ABCA12: variants seen among roughly 807,000 people sequenced by gnomAD.
The protein encoded by ABCA12 is ATP binding cassette subfamily A member 12, also known as glucosylceramide transporter ABCA12.
ABCA12 carries 156 observed loss-of-function variants against 293.5 expected under a neutral mutation model. That is an observed-to-expected ratio of 0.53 (90% CI 0.47 to 0.61). The LOEUF is 0.61. ABCA12 is among the 20% of genes least tolerant of loss of function. The probability of loss-of-function intolerance (pLI) is 0.00; values close to 1 mark genes in which losing one functional copy is unlikely to be tolerated. For synonymous variants in ABCA12, 1,063 were observed against 1,108.0 expected (o/e 0.96, Z 0.81); for missense variants, 2,797 against 3,090.2 (o/e 0.91, Z 2.25).
At chr2:215,064,718 CA>C (rs1701607467) in intron 2 of ABCA12, among the ~76,000 whole-genome samples, 1 of 151,434 alleles carries the variant, frequency 6.6e-6, no homozygotes, top group East Asian at 1.9e-4. Flanking sequence ...CACACACACA[CA>C]CACACACACA....
intron 1 of ABCA12, among the ~76,000 whole-genome samples, chr2:215,122,795 T>C (rs1298587311): frequency 6.6e-6 from 1 of 152,198 alleles, no homozygotes; most frequent in Admixed American, 6.5e-5. Context: ...CCATCTTCTT[T>C]TTTAAAAATT....
intron 2 of ABCA12, among the ~76,000 whole-genome samples, chr2:215,103,405 A>G (rs993125127): frequency 9.9e-5 from 15 of 151,214 alleles, no homozygotes; most frequent in African/African-American, 2.7e-4. Context: ...AGTAGCTGGG[A>G]TTACAGGTGA....
At chr2:215,042,629 A>T (rs1157468813) in intron 7 of ABCA12, among the ~76,000 whole-genome samples, 1 of 152,174 alleles carries the variant, frequency 6.6e-6, no homozygotes, top group East Asian at 1.9e-4. Flanking sequence ...GTACATGTAT[A>T]CAATGTGTAA....
At chr2:215,125,364 A>G (rs1051545632) in intron 1 of ABCA12, among the ~76,000 whole-genome samples, 10 of 152,104 alleles carry the variant, frequency 6.6e-5, no homozygotes, top group African/African-American at 2.4e-4. Context: ...TGGGTATTGC[A>G]TTGAATTTGT....
Position 214,978,914 on chromosome 2 carries a change from A to G in ABCA12, c.4867T>C (p.Phe1623Leu). The G allele has an allele frequency of 1.2e-6, 2 of 1,614,060 alleles. No individual in the cohort carries two copies. Among genetic ancestry groups the G allele is most frequent in the Non-Finnish European group, 1.7e-6 (2 of 1,179,976 alleles). The change falls in exon 32 of 53, where the codon TTC becomes CTC. Residue 1623 changes from phenylalanine to leucine, a missense_variant. Phe to Leu is a conservative substitution (Grantham distance 22). Around this residue, in one of 3 missense-constraint regions of ABCA12, gnomAD observed 2,130 missense variants for 2,427.0 expected, o/e 0.88. Transcript: ENST00000272895. Reference sequence around the variant, plus strand: ...TAGGCCCCTGAGACTTTGGTGCTGAATGGAGGAAGTACATAAACAAGCTCT... The same window carrying G: ...TAGGCCCCTGAGACTTTGGTGCTGAGTGGAGGAAGTACATAAACAAGCTCT... ...GGELVYVLPP[F>L]STKVSGAYLS...
At chr2:214,946,683 G>A (rs1698592711) in intron 48 of ABCA12, among the ~76,000 whole-genome samples, 1 of 152,154 alleles carries the variant, frequency 6.6e-6, no homozygotes, top group Admixed American at 6.6e-5. Context: ...GGCTCTTTCA[G>A]AGTTTGGAGG....
At chr2:215,130,649 G>C (rs754649930) in intron 1 of ABCA12, among the ~76,000 whole-genome samples, 21 of 152,090 alleles carry the variant, frequency 1.4e-4, no homozygotes, top group Middle Eastern at 3.4e-3. Flanking sequence ...GGTTTTTTAG[G>C]TATATGATCA....
At chr2:215,010,176 AG>A (rs112856781) in intron 18 of ABCA12, among the ~76,000 whole-genome samples, 154 bp downstream of exon 18, 3,980 of 152,260 alleles carry the variant, frequency 0.026, 182 homozygotes, top group African/African-American at 0.092. Context: ...CCAGGGCAGA[AG>A]TTGAGAATTT....
intron 36 of ABCA12, 66 bp downstream of exon 36, chr2:214,973,883 T>G: frequency 7.5e-7 from 1 of 1,339,794 alleles, no homozygotes; most frequent in Non-Finnish European, 1.1e-6. Flanking sequence ...CCTAGAGAGA[T>G]CTTTCGAGCT....
chr2:215,111,989 G>C (rs532309096), intron 1 of ABCA12, among the ~76,000 whole-genome samples: 2 of 152,170 alleles, frequency 1.3e-5, no homozygotes, highest in South Asian at 2.1e-4. Context: ...ACCCTGATTG[G>C]TTACTTCATT....
chr2:214,989,899 CA>C (rs1371158931), intron 24 of ABCA12, among the ~76,000 whole-genome samples: 4 of 151,910 alleles, frequency 2.6e-5, no homozygotes, highest in African/African-American at 9.7e-5. Flanking sequence ...TGTTGCTCAG[CA>C]AGTAATAAAA....
At chr2:215,124,680 G>A (rs762466507) in intron 1 of ABCA12, among the ~76,000 whole-genome samples, 4 of 152,072 alleles carry the variant, frequency 2.6e-5, no homozygotes, top group Non-Finnish European at 4.4e-5. Context: ...ATCAATTTGA[G>A]TTCATTGTAG....
chr2:214,984,344 C>A (rs1699739803), intron 28 of ABCA12, among the ~76,000 whole-genome samples: 1 of 152,164 alleles, frequency 6.6e-6, no homozygotes, highest in Non-Finnish European at 1.5e-5. Flanking sequence ...GATCCACACG[C>A]CTTGGCCTCC....
chr2:215,031,896 C>T lies in ABCA12; in HGVS notation c.986G>A (p.Gly329Asp). The change falls in exon 9 of 53, where the codon GGT becomes GAT. Residue 329 changes from glycine (G) to aspartate (D), a missense_variant and splice_region_variant. Coordinates refer to ENST00000272895, the MANE Select transcript of ABCA12 (RefSeq NM_173076.3). Reference protein sequence around the residue: ...LLYTLDSPAQGDSDNITHVWN... With the variant: ...LLYTLDSPAQDDSDNITHVWN... ...CACATGCGTTATATTATCGGAGTCA[C>T]CTGAAGTAATAATTTTTATATAGGT... is the stretch of plus-strand genomic sequence containing the variant. 3.1e-6 allele frequency: 5 copies of T among 1,613,568 alleles called. No individual in the cohort carries two copies. The highest frequency in any genetic ancestry group is 4.2e-6 in the Non-Finnish European group (5 of 1,179,822).
intron 52 of ABCA12, among the ~76,000 whole-genome samples, chr2:214,933,489 G>A (rs1698125885): frequency 6.6e-6 from 1 of 152,150 alleles, no homozygotes; most frequent in Admixed American, 6.6e-5. Flanking sequence ...TCCAATGACA[G>A]ATATAATCAA....
chr2:215,050,151 G>A (rs1394372279), intron 5 of ABCA12, among the ~76,000 whole-genome samples: 1 of 152,052 alleles, frequency 6.6e-6, no homozygotes, highest in Non-Finnish European at 1.5e-5. Context: ...ACTTTTTCTG[G>A]ACATTGAGTA....
chr2:215,045,072 C>G (rs977620181), intron 7 of ABCA12, among the ~76,000 whole-genome samples: 45 of 152,080 alleles, frequency 3.0e-4, no homozygotes, highest in African/African-American at 1.0e-3. Flanking sequence ...TCAATGTGAT[C>G]ATGTGTACAA....
chr2:214,951,144 C>T, intron 44 of ABCA12, 61 bp from the exon 45 acceptor site: 1 of 1,487,084 alleles, frequency 6.7e-7, no homozygotes, highest in Non-Finnish European at 9.3e-7. Context: ...TCAATTTTGA[C>T]ATGTTTTGAT....
At chr2:215,101,946 T>TA (rs1386698451) in intron 2 of ABCA12, among the ~76,000 whole-genome samples, 1 of 152,166 alleles carries the variant, frequency 6.6e-6, no homozygotes, top group African/African-American at 2.4e-5. Flanking sequence ...TCCTACTCCT[T>TA]AAAACCATCT....
Sources: gnomAD v4.1 joint callset for allele counts (sites outside exome capture counted in the v4.1 genomes callset) on GRCh38, gnomAD v4.1.1 for gene constraint, gnomAD v4.1.1 regional missense constraint, MANE v1.5 for transcripts, NCBI Gene and HGNC (gene_info 2026-07-23, HGNC 2026-07-21) for gene names.